Variants in PPP1R16B observed in about 807,000 individuals in gnomAD.
The protein encoded by PPP1R16B is protein phosphatase 1 regulatory inhibitor subunit 16B.
Under a neutral mutation model 61.7 loss-of-function variants are expected in PPP1R16B, and 14 were observed. That is an observed-to-expected ratio of 0.23 (90% CI 0.15 to 0.35). The LOEUF (loss-of-function observed/expected upper bound fraction) is 0.35. PPP1R16B is among the 10% of genes least tolerant of loss of function. PPP1R16B has a pLI of 1.00. For missense variants in PPP1R16B, 547 were observed against 752.5 expected (o/e 0.73, Z 3.19); for synonymous variants, 266 against 305.3 (o/e 0.87, Z 1.34).
chr20:38,884,303 A>G (rs538277089), intron 2 of PPP1R16B, among the ~76,000 whole-genome samples: 29 of 152,314 alleles, frequency 1.9e-4, no homozygotes, highest in African/African-American at 6.7e-4. Context: ...CTGTTATGCA[A>G]GCGTATTTGC....
At chr20:38,896,794 C>T (rs1335866530) in intron 4 of PPP1R16B, among the ~76,000 whole-genome samples, 4 of 152,130 alleles carry the variant, frequency 2.6e-5, no homozygotes, top group Non-Finnish European at 5.9e-5. Context: ...TGGCTCCTGG[C>T]GACCACCATT....
At chr20:38,894,122 G>A (rs1024038464) in intron 3 of PPP1R16B, among the ~76,000 whole-genome samples, 1 of 70,720 alleles carries the variant, frequency 1.4e-5, no homozygotes, top group African/African-American at 5.3e-5. Context: ...CCGCACCCCC[G>A]CACCCCCGCC....
At chr20:38,875,276 C>T (rs2085157970) in intron 2 of PPP1R16B, among the ~76,000 whole-genome samples, 1 of 152,220 alleles carries the variant, frequency 6.6e-6, no homozygotes, top group Admixed American at 6.5e-5. Flanking sequence ...AGCTTGCTCC[C>T]CTCCGGGCCC....
chr20:38,857,428 G>A (rs1414483891), intron 2 of PPP1R16B, among the ~76,000 whole-genome samples: 2 of 152,118 alleles, frequency 1.3e-5, no homozygotes, highest in South Asian at 2.1e-4. Flanking sequence ...CAATGCAATC[G>A]CATTGTCACT....
At chr20:38,916,776 T>C (rs929624042) in intron 10 of PPP1R16B, among the ~76,000 whole-genome samples, 5 of 152,192 alleles carry the variant, frequency 3.3e-5, no homozygotes, top group African/African-American at 1.2e-4. Flanking sequence ...GCAATTTACA[T>C]TCTCACTTAT....
chr20:38,882,067 G>T (rs1362030266), intron 2 of PPP1R16B, among the ~76,000 whole-genome samples: 1 of 152,184 alleles, frequency 6.6e-6, no homozygotes, highest in Non-Finnish European at 1.5e-5. Flanking sequence ...ATAACAGCAG[G>T]TTACTTATCC....
chr20:38,891,270 C>A (rs2085290207), intron 3 of PPP1R16B, among the ~76,000 whole-genome samples: 1 of 152,178 alleles, frequency 6.6e-6, no homozygotes, highest in African/African-American at 2.4e-5. Flanking sequence ...GGGGAAGTTA[C>A]TTAAGCTCTC....
intron 10 of PPP1R16B, 125 bp downstream of exon 10, chr20:38,908,318 T>C: frequency 1.7e-6 from 2 of 1,182,216 alleles, no homozygotes; most frequent in South Asian, 3.0e-5. Context: ...GCCCTTAAAC[T>C]AGCATATCCA....
intron 10 of PPP1R16B, among the ~76,000 whole-genome samples, chr20:38,916,392 T>TTATA (rs200418964): frequency 0.028 from 4,154 of 148,212 alleles, 200 homozygotes; most frequent in African/African-American, 0.096. Context: ...TTATATATAT[T>TTATA]TATATATGTA....
chr20:38,822,099 C>T (rs1164862103), intron 1 of PPP1R16B, among the ~76,000 whole-genome samples: 1 of 150,706 alleles, frequency 6.6e-6, no homozygotes, highest in Non-Finnish European at 1.5e-5. Flanking sequence ...AACTCAAACT[C>T]CAAACTCAGT....
chr20:38,902,608 C>T (rs1341708812), intron 5 of PPP1R16B, 60 bp from the exon 6 acceptor site: 69 of 1,608,012 alleles, frequency 4.3e-5, no homozygotes, highest in Non-Finnish European at 5.7e-5. Context: ...TCTGCCTTCC[C>T]CTGCCCTCTG....
intron 2 of PPP1R16B, among the ~76,000 whole-genome samples, chr20:38,876,154 G>A (rs552986763): frequency 7.9e-5 from 12 of 151,838 alleles, no homozygotes; most frequent in Non-Finnish European, 1.2e-4. Flanking sequence ...TTGTATTTTT[G>A]GTAGAGACAG....
intron 2 of PPP1R16B, among the ~76,000 whole-genome samples, chr20:38,877,215 C>A (rs768773738): frequency 6.6e-6 from 1 of 152,148 alleles, no homozygotes; most frequent in African/African-American, 2.4e-5. Context: ...TGTGAACATC[C>A]TTGTTCGTAA....
At chr20:38,837,548 CT>C (rs1215319279) in intron 2 of PPP1R16B, among the ~76,000 whole-genome samples, 49 of 117,510 alleles carry the variant, frequency 4.2e-4, no homozygotes, top group South Asian at 8.2e-4. Flanking sequence ...TTTTTTTTTT[CT>C]TTTTTTTTTT....
At chr20:38,848,719 A>G (rs2084949631) in intron 2 of PPP1R16B, among the ~76,000 whole-genome samples, 1 of 152,224 alleles carries the variant, frequency 6.6e-6, no homozygotes, top group Non-Finnish European at 1.5e-5. Flanking sequence ...CAGAAAACCA[A>G]ATACAGCATG....
intron 4 of PPP1R16B, among the ~76,000 whole-genome samples, chr20:38,896,835 G>A (rs1197041237): frequency 6.6e-6 from 1 of 152,154 alleles, no homozygotes; most frequent in Non-Finnish European, 1.5e-5. Flanking sequence ...TTTGACTACT[G>A]TAAGCACTTT....
At chr20:38,915,064 A>AC (rs1243674574) in intron 10 of PPP1R16B, among the ~76,000 whole-genome samples, 2 of 151,010 alleles carry the variant, frequency 1.3e-5, no homozygotes, top group Admixed American at 6.6e-5. Flanking sequence ...TCCCATATAC[A>AC]CCCCCCTCCA....
intron 2 of PPP1R16B, among the ~76,000 whole-genome samples, chr20:38,870,019 G>A (rs1235812350): frequency 5.9e-5 from 9 of 152,028 alleles, no homozygotes; most frequent in Non-Finnish European, 1.5e-5. Flanking sequence ...CACCTCCTGG[G>A]TTCAAGCAAT....
chr20:38,895,941 T>TCTCC (rs2085337321), intron 4 of PPP1R16B, among the ~76,000 whole-genome samples: 2 of 79,722 alleles, frequency 2.5e-5, no homozygotes, highest in African/African-American at 5.7e-5. Context: ...TCCTTCTTTC[T>TCTCC]TCCCTCCCTC....
Sources: allele counts gnomAD v4.1 joint callset (sites outside exome capture counted in the v4.1 genomes callset), GRCh38; gene constraint gnomAD v4.1.1; transcripts MANE v1.5; gene names NCBI Gene and HGNC (gene_info 2026-07-23, HGNC 2026-07-21).